The following NEK10 variants were observed in gnomAD, a reference collection of about 807,000 sequenced individuals.
The protein encoded by NEK10 is NIMA related kinase 10, also known as serine/threonine-protein kinase Nek10.
Under a neutral mutation model 159.8 loss-of-function variants are expected in NEK10, and 122 were observed. That is an observed-to-expected ratio of 0.76 (90% CI 0.66 to 0.89). The LOEUF is 0.89. Ranked by LOEUF, NEK10 falls within the 40% of genes least tolerant of loss-of-function variation. The pLI, the probability that NEK10 is intolerant of heterozygous loss-of-function variation, is 0.00. For synonymous variants in NEK10, 466 were observed against 457.1 expected, an observed-to-expected ratio of 1.02 and a Z score of -0.25; for missense variants, 1,342 against 1,323.1, an observed-to-expected ratio of 1.01 and a Z score of -0.22.
chr3:27,310,650 T>C (rs1052773828), intron 9 of NEK10: 2 of 273,690 alleles, frequency 7.3e-6, no homozygotes, highest in African/African-American at 2.2e-5. Context: ...ACACCTAGGG[T>C]GTATTTATAC....
intron 1 of NEK10, among the ~76,000 whole-genome samples, chr3:27,362,846 C>G (rs1215756906): frequency 6.6e-6 from 1 of 151,990 alleles, no homozygotes; most frequent in East Asian, 1.9e-4. Flanking sequence ...CAGTGCTCAC[C>G]TGAACTACCA....
intron 23 of NEK10, among the ~76,000 whole-genome samples, chr3:27,245,428 A>G (rs947428326): frequency 2.6e-5 from 4 of 152,160 alleles, no homozygotes; most frequent in Admixed American, 1.3e-4. Context: ...GCTAGCCCCA[A>G]TCGGGCCTTG....
chr3:27,254,920 C>T (rs1336684907), intron 23 of NEK10, among the ~76,000 whole-genome samples: 1 of 117,868 alleles, frequency 8.5e-6, no homozygotes, highest in Non-Finnish European at 1.9e-5. Context: ...CTTTCTCTTA[C>T]ACACACACAC....
chr3:27,236,530 C>T (rs1452348998), intron 23 of NEK10, among the ~76,000 whole-genome samples: 2 of 152,058 alleles, frequency 1.3e-5, no homozygotes, highest in Non-Finnish European at 2.9e-5. Context: ...TAAGTGTCGG[C>T]CAGTCTGAGA....
At chr3:27,324,839 C>T (rs368217824) in intron 5 of NEK10, among the ~76,000 whole-genome samples, 2 of 152,186 alleles carry the variant, frequency 1.3e-5, no homozygotes, top group African/African-American at 2.4e-5. Context: ...CAGGGCCTGG[C>T]CTCCCCATTA....
chr3:27,179,942 A>G (rs1244351291), intron 26 of NEK10, among the ~76,000 whole-genome samples: 1 of 152,074 alleles, frequency 6.6e-6, no homozygotes, highest in African/African-American at 2.4e-5. Flanking sequence ...TTAGCCAGAC[A>G]TGGTGGCAGG....
At chr3:27,191,110 C>T (rs1351066896) in intron 26 of NEK10, among the ~76,000 whole-genome samples, 3 of 152,194 alleles carry the variant, frequency 2.0e-5, no homozygotes, top group African/African-American at 7.2e-5. Context: ...TCCTTCTTTT[C>T]AGAAAGCAGT....
intron 31 of NEK10, among the ~76,000 whole-genome samples, chr3:27,132,481 C>T (rs1056898966): frequency 1.1e-4 from 16 of 152,106 alleles, no homozygotes; most frequent in African/African-American, 3.6e-4. Flanking sequence ...GAAAATTCAG[C>T]TGCAGAGAGG....
intron 32 of NEK10, among the ~76,000 whole-genome samples, chr3:27,124,682 T>A (rs1011487455): frequency 2.0e-5 from 3 of 152,076 alleles, no homozygotes; most frequent in African/African-American, 4.8e-5. Flanking sequence ...TGAAAAAGCG[T>A]GAGGTTTAAA....
rs1427424256 is a variant in NEK10, at chr3:27,110,705, G to A, written c.*567C>T. The A allele has an allele frequency of 6.6e-6, 1 of 151,832 alleles. No homozygotes were observed. Among genetic ancestry groups the A allele is most frequent in the Non-Finnish European group, 1.5e-5 (1 of 67,978 alleles). 9.4% of individuals were successfully genotyped at this position (151,832 alleles called of 1,614,324 possible). On this transcript the variant is annotated 3_prime_UTR_variant, in exon 36 of 36. Transcript: ENST00000691995. ...AGACCACTAGCACCCAAGTGGTTAA[G>A]CGAGAACCAACCCATCCATTAAAAA...
At position 27,284,895 on chromosome 3, in the gene NEK10, A is replaced by G; in HGVS notation, c.1856T>C (p.Leu619Ser). ...AGTAAAATGGTGATGTTTTTCCTTC[A>G]AAGAACTGAAATGCTCTCCAAGCGG... is the stretch of plus-strand genomic sequence containing the variant. The part of the protein sequence containing the change: ...GAPLGEHFSS[L>S]KEKHHHFTEE... Residue 619 changes from leucine (L) to serine (S), a missense_variant, in exon 21 of 36, where the codon TTG becomes TCG. Leu to Ser is a moderately radical substitution (Grantham distance 145). Coordinates refer to ENST00000691995, the MANE Select transcript of NEK10 (RefSeq NM_001394966.1). The G allele has an allele frequency of 6.3e-7, 1 of 1,598,520 alleles. No individual in the cohort carries two copies. The highest frequency in any genetic ancestry group is 1.1e-5 in the South Asian group (1 of 90,730).
chr3:27,357,240 G>T (rs2048381044), intron 1 of NEK10, among the ~76,000 whole-genome samples: 1 of 152,168 alleles, frequency 6.6e-6, no homozygotes, highest in Non-Finnish European at 1.5e-5. Flanking sequence ...CCAGAGAATG[G>T]TGAGTTGTAG....
chr3:27,336,515 TAAC>T (rs2046813793), intron 5 of NEK10, among the ~76,000 whole-genome samples: 1 of 151,996 alleles, frequency 6.6e-6, no homozygotes, highest in Non-Finnish European at 1.5e-5. Context: ...ATTACCCTAA[TAAC>T]AAAACAAGAC....
intron 29 of NEK10, among the ~76,000 whole-genome samples, chr3:27,163,115 C>CA (rs79414896): frequency 0.36 from 55,168 of 151,442 alleles, 12,281 homozygotes; most frequent in East Asian, 0.76. Context: ...ATTAAAAAAA[C>CA]AAAAAAAACC....
intron 26 of NEK10, among the ~76,000 whole-genome samples, chr3:27,181,890 A>G (rs1948146662): frequency 6.6e-6 from 1 of 152,178 alleles, no homozygotes; most frequent in Non-Finnish European, 1.5e-5. Context: ...AAGATTCTCC[A>G]TGTTAAAACA....
At chr3:27,122,359 C>G (rs1941440001) in intron 32 of NEK10, among the ~76,000 whole-genome samples, 2 of 152,112 alleles carry the variant, frequency 1.3e-5, no homozygotes, top group Admixed American at 6.6e-5. Flanking sequence ...TATAAATTAC[C>G]AAGTCTCGGG....
At chr3:27,302,414 G>C (rs1028805259) in intron 12 of NEK10, among the ~76,000 whole-genome samples, 2 of 151,456 alleles carry the variant, frequency 1.3e-5, no homozygotes, top group Non-Finnish European at 2.9e-5. Context: ...TGGTGATCTA[G>C]CAATTTATCG....
chr3:27,301,342 G>A (rs1348733320), intron 13 of NEK10, among the ~76,000 whole-genome samples: 1 of 152,154 alleles, frequency 6.6e-6, no homozygotes, highest in Non-Finnish European at 1.5e-5. Flanking sequence ...CCCTTATGTA[G>A]GGTGCCCTGG....
intron 22 of NEK10, among the ~76,000 whole-genome samples, chr3:27,279,573 C>G (rs1409045519): frequency 1.3e-5 from 2 of 152,140 alleles, no homozygotes; most frequent in African/African-American, 4.8e-5. Context: ...GAGATAGACA[C>G]TGAAAAATAT....
Sources: allele counts gnomAD v4.1 joint callset (sites outside exome capture counted in the v4.1 genomes callset), GRCh38; gene constraint gnomAD v4.1.1; transcripts MANE v1.5; gene names NCBI Gene and HGNC (gene_info 2026-07-23, HGNC 2026-07-21).